Variants in RASAL2 observed in about 807,000 individuals in gnomAD.
The protein encoded by RASAL2 is ras GTPase-activating protein nGAP.
In RASAL2, 58 loss-of-function variants were observed where a neutral mutation model predicts 128.9. The observed-to-expected ratio is 0.45, with a 90% CI of 0.36 to 0.56. The LOEUF is 0.56. Ranked by LOEUF, RASAL2 falls within the 20% of genes least tolerant of loss-of-function variation. The pLI is 0.00. For missense variants in RASAL2, 1,360 were observed against 1,601.6 expected (o/e 0.85, Z 2.57); for synonymous variants, 561 against 580.8 (o/e 0.97, Z 0.49).
intron 1 of RASAL2, among the ~76,000 whole-genome samples, chr1:178,110,751 T>C (rs988775520): frequency 6.6e-6 from 1 of 151,076 alleles, no homozygotes; most frequent in Non-Finnish European, 1.5e-5. Flanking sequence ...TATGCCTGGC[T>C]AATTTTTTGT....
At chr1:178,196,719 G>C (rs1229312365) in intron 1 of RASAL2, among the ~76,000 whole-genome samples, 1 of 152,174 alleles carries the variant, frequency 6.6e-6, no homozygotes, top group Non-Finnish European at 1.5e-5. Flanking sequence ...TGGTTGTGCA[G>C]ATCCTGAAAC....
intron 1 of RASAL2, among the ~76,000 whole-genome samples, chr1:178,097,625 T>C (rs1658740478): frequency 6.6e-6 from 1 of 152,154 alleles, no homozygotes; most frequent in African/African-American, 2.4e-5. Flanking sequence ...GTTCTAAAGG[T>C]AGGATAATAA....
intron 1 of RASAL2, among the ~76,000 whole-genome samples, chr1:178,183,141 A>G (rs558083498): frequency 6.6e-6 from 1 of 152,322 alleles, no homozygotes; most frequent in African/African-American, 2.4e-5. Flanking sequence ...GAACTAGAGT[A>G]TAGTGCTTAC....
In RASAL2 at chr1:178,128,600, G is replaced by A. The variant is rs1316683797; in HGVS notation, c.202+33906G>A. On this transcript the variant is annotated intron_variant, in intron 1 of 17. Coordinates refer to ENST00000367649, the MANE Select transcript of RASAL2 (RefSeq NM_170692.4). ...TAATTGTACAATTCACTGATTATTAGTAAATTTATAAAGTCGTATAACCAT... is the reference window on the plus strand; with the variant it reads ...TAATTGTACAATTCACTGATTATTAATAAATTTATAAAGTCGTATAACCAT... Among the ~76,000 whole-genome samples, 5 of 152,108 alleles carry A rather than the reference G, an allele frequency of 3.3e-5. No individual in the cohort carries two copies. In the South Asian group the frequency reaches 8.3e-4, roughly 25 times the overall value.
At position 178,267,526 on chromosome 1, in the gene RASAL2, T is replaced by G. The variant is rs79081241; in HGVS notation, c.203-16038T>G. Among the ~76,000 whole-genome samples, 823 of 152,024 alleles carry G rather than the reference T, an allele frequency of 5.4e-3. 10 individuals carry two copies. The highest frequency in any genetic ancestry group is 0.019 in the African/African-American group (769 of 41,468). On this transcript the variant is annotated intron_variant, in intron 1 of 17. Transcript: ENST00000367649. ...TTGCCCTTTTTTCCTGTTTGTTTAG[T>G]TTTCTTATTACTTATTCTTCTCAGA...
intron 3 of RASAL2, among the ~76,000 whole-genome samples, chr1:178,303,156 A>C (rs952962266): frequency 6.6e-6 from 1 of 152,200 alleles, no homozygotes. Flanking sequence ...GAGAAAAGAC[A>C]GTCTTTTTAG....
At chr1:178,221,801 T>G (rs1243143685) in intron 1 of RASAL2, among the ~76,000 whole-genome samples, 2 of 152,320 alleles carry the variant, frequency 1.3e-5, no homozygotes, top group South Asian at 2.1e-4. Context: ...TGAGATCAAC[T>G]ATATTCTCAC....
At chr1:178,405,316 G>A (rs543458703) in intron 4 of RASAL2, among the ~76,000 whole-genome samples, 2 of 152,162 alleles carry the variant, frequency 1.3e-5, no homozygotes, top group Middle Eastern at 3.2e-3. Context: ...TCATAAGAGG[G>A]TGACTAAACT....
chr1:178,268,681 A>C (rs1666101780), intron 1 of RASAL2, among the ~76,000 whole-genome samples: 1 of 151,892 alleles, frequency 6.6e-6, no homozygotes, highest in Admixed American at 6.6e-5. Context: ...CTGAACCTGA[A>C]CTCCTGGACT....
chr1:178,221,770 T>C (rs1202109130), intron 1 of RASAL2, among the ~76,000 whole-genome samples: 2 of 152,302 alleles, frequency 1.3e-5, no homozygotes, highest in East Asian at 3.9e-4. Flanking sequence ...TCAGGTATAT[T>C]CAGTGAATTG....
chr1:178,176,972 A>G (rs554033251), intron 1 of RASAL2, among the ~76,000 whole-genome samples: 8 of 152,212 alleles, frequency 5.3e-5, no homozygotes, highest in Non-Finnish European at 1.2e-4. Context: ...TCAAAATTCT[A>G]TTTCAGGGAT....
At position 178,411,798 on chromosome 1, in the gene RASAL2, T is replaced by C. The variant is rs1380431907; in HGVS notation, c.565-8713T>C. The C allele has an allele frequency of 7.7e-6, 6 of 776,004 alleles. No individual in the cohort carries two copies. In the Admixed American group the frequency reaches 1.0e-4, roughly 13 times the overall value. 48.1% of individuals were successfully genotyped at this position (776,004 alleles called of 1,614,324 possible). ...GTGCTGCTTTTTTGGCTGCCCAGGA[T>C]GTGGCCCAGAGGTGCAAGGAGCCAG... On this transcript the variant is annotated intron_variant, in intron 4 of 17. Transcript: ENST00000367649.
intron 3 of RASAL2, among the ~76,000 whole-genome samples, chr1:178,325,969 T>C (rs1432003562): frequency 6.6e-6 from 1 of 152,092 alleles, no homozygotes; most frequent in Non-Finnish European, 1.5e-5. Context: ...TGTGTGCCTG[T>C]AGTCCCAGCT....
chr1:178,265,817 T>C (rs1665921179), intron 1 of RASAL2, among the ~76,000 whole-genome samples: 1 of 152,252 alleles, frequency 6.6e-6, no homozygotes, highest in African/African-American at 2.4e-5. Flanking sequence ...AAACTGACTT[T>C]TAATACTATA....
At chr1:178,320,628 G>A (rs2102333079) in intron 3 of RASAL2, among the ~76,000 whole-genome samples, 1 of 152,294 alleles carries the variant, frequency 6.6e-6, no homozygotes, top group Non-Finnish European at 1.5e-5. Flanking sequence ...CCCAGGTGAG[G>A]CAATGCCTCG....
intron 1 of RASAL2, among the ~76,000 whole-genome samples, chr1:178,111,767 T>A (rs1479718179): frequency 1.3e-5 from 2 of 152,242 alleles, no homozygotes; most frequent in Non-Finnish European, 2.9e-5. Context: ...TCTTGCTTTG[T>A]CACCCAGGTT....
At chr1:178,365,332 T>C (rs556547218) in intron 3 of RASAL2, among the ~76,000 whole-genome samples, 1 of 152,308 alleles carries the variant, frequency 6.6e-6, no homozygotes, top group African/African-American at 2.4e-5. Context: ...AAGTTATAGT[T>C]TGATATTTAC....
chr1:178,130,157 G>A (rs1660049950), intron 1 of RASAL2, among the ~76,000 whole-genome samples: 1 of 152,114 alleles, frequency 6.6e-6, no homozygotes, highest in Non-Finnish European at 1.5e-5. Context: ...TTAAGATAAT[G>A]TCTCAAACTT....
chr1:178,252,065 G>C (rs762919160), intron 1 of RASAL2, among the ~76,000 whole-genome samples: 4 of 152,092 alleles, frequency 2.6e-5, no homozygotes, highest in Admixed American at 2.0e-4. Flanking sequence ...TAAAGTGCTT[G>C]AAAAATTTTA....
Sources: allele counts gnomAD v4.1 joint callset (sites outside exome capture counted in the v4.1 genomes callset), GRCh38; gene constraint gnomAD v4.1.1; transcripts MANE v1.5; gene names NCBI Gene and HGNC (gene_info 2026-07-23, HGNC 2026-07-21).